Variants in PNPT1 observed in about 807,000 individuals in gnomAD.
The protein encoded by PNPT1 is polyribonucleotide nucleotidyltransferase 1.
In PNPT1, 53 loss-of-function variants were observed where a neutral mutation model predicts 119.5. That is an observed-to-expected ratio of 0.44 (90% confidence interval 0.36 to 0.56). PNPT1 has a LOEUF of 0.56. Among genes scored for constraint, PNPT1 ranks in the 20% least tolerant of loss-of-function variants. The pLI is 0.00. For missense variants in PNPT1, 948 were observed against 938.5 expected (o/e 1.01, Z -0.13); for synonymous variants, 357 against 322.1 (o/e 1.11, Z -1.16).
chr2:55,692,102 C>G (rs922234627), intron 1 of PNPT1, among the ~76,000 whole-genome samples: 2 of 151,718 alleles, frequency 1.3e-5, no homozygotes, highest in Non-Finnish European at 2.9e-5. Context: ...CCAGGCTGGT[C>G]TCGAACTCCT....
At chr2:55,681,052 C>A in intron 5 of PNPT1, 134 bp from the exon 6 acceptor site, 1 of 691,820 alleles carries the variant, frequency 1.4e-6, no homozygotes, top group Non-Finnish European at 2.5e-6. Flanking sequence ...TGTCATTAAA[C>A]GAAATGCTTG....
At chr2:55,658,439 T>G (rs1362963499) in intron 15 of PNPT1, among the ~76,000 whole-genome samples, 1 of 152,176 alleles carries the variant, frequency 6.6e-6, no homozygotes, top group Non-Finnish European at 1.5e-5. Context: ...ATGTTAAATT[T>G]CCTGACTTGG....
At position 55,634,062 on chromosome 2, in the gene PNPT1, C is replaced by G. The variant is rs1695591273; in HGVS notation, c.*2175G>C. On this transcript the variant is annotated 3_prime_UTR_variant, in exon 28 of 28. Coordinates refer to ENST00000447944, the MANE Select transcript of PNPT1 (RefSeq NM_033109.5). ...ACTGTTATTAAATAATAGTCGATAT[C>G]AAGTGTAGAAAGCAAATAAATTTAA... 6.6e-6 allele frequency among the ~76,000 whole-genome samples: 1 copy of G among 152,064 alleles called. No homozygotes were observed. Among genetic ancestry groups the G allele is most frequent in the African/African-American group, 2.4e-5 (1 of 41,412 alleles).
chr2:55,688,595 C>T (rs1296018399), intron 1 of PNPT1, among the ~76,000 whole-genome samples: 2 of 151,916 alleles, frequency 1.3e-5, no homozygotes, highest in Non-Finnish European at 2.9e-5. Flanking sequence ...CATGGTGTTG[C>T]GTGTCTATAA....
chr2:55,673,859 A>C (rs1242452411), intron 8 of PNPT1, among the ~76,000 whole-genome samples: 3 of 151,998 alleles, frequency 2.0e-5, no homozygotes, highest in African/African-American at 7.3e-5. Context: ...AGTGCTGGGG[A>C]TTACAGGCGT....
At chr2:55,639,938 A>T (rs1695787598) in intron 26 of PNPT1, among the ~76,000 whole-genome samples, 1 of 152,200 alleles carries the variant, frequency 6.6e-6, no homozygotes, top group Non-Finnish European at 1.5e-5. Flanking sequence ...TATAAAAATG[A>T]GTAGAGATCC....
intron 22 of PNPT1, 39 bp downstream of exon 22, chr2:55,645,310 C>G: frequency 7.0e-7 from 1 of 1,436,756 alleles, no homozygotes; most frequent in African/African-American, 1.4e-5. Context: ...AGGCGTGAGC[C>G]ACCGCGCCCA....
chr2:55,691,635 C>A lies in PNPT1; in HGVS notation c.161+2028G>T, dbSNP rs1228749149. On this transcript the variant is annotated intron_variant, in intron 1 of 27. Transcript: ENST00000447944. ...TGCATCTTGTTTTCAGTATCTAATG[C>A]CTATCTCACAGTATGTGTCTGTTGA... Among the ~76,000 whole-genome samples the A allele has an allele frequency of 2.6e-5, 4 of 151,906 alleles. No homozygotes were observed. The South Asian group carries it at 8.3e-4, about 32-fold the overall frequency.
chr2:55,672,034 C>G lies in PNPT1; in HGVS notation c.879G>C (p.Glu293Asp). 1 of 1,598,660 alleles carries G rather than the reference C, an allele frequency of 6.3e-7. No homozygotes were observed. Among genetic ancestry groups the G allele is most frequent in the Non-Finnish European group, 8.5e-7 (1 of 1,173,238 alleles). Residue 293 changes from glutamate to aspartate, a missense_variant, in exon 10 of 28, where the codon GAG becomes GAC. Transcript: ENST00000447944. The part of the protein sequence containing the change: ...IVKYTHKLAM[E>D]RLYAVFTDYE... ...AATCTGTAAAAACTGCATAGAGTCT[C>G]TCCATAGCAAGTCTATTTAAGCAGA...
Position 55,679,807 on chromosome 2 carries a change from T to C in PNPT1, c.566-12A>G. The C allele has an allele frequency of 1.9e-6, 3 of 1,559,654 alleles. No homozygotes were observed. The highest frequency in any genetic ancestry group is 2.6e-6 in the Non-Finnish European group (3 of 1,138,946). On this transcript the variant is annotated splice_polypyrimidine_tract_variant and intron_variant, in intron 7 of 27. Coordinates refer to ENST00000447944, the MANE Select transcript of PNPT1 (RefSeq NM_033109.5). ...TATTCGTACTGCCCCTAAAATGTAT[T>C]AGAATATTGGCAACTGTTTAATGGA...
At chr2:55,690,439 G>T (rs1161147045) in intron 1 of PNPT1, among the ~76,000 whole-genome samples, 1 of 152,170 alleles carries the variant, frequency 6.6e-6, no homozygotes, top group African/African-American at 2.4e-5. Context: ...CCAAACACAA[G>T]CATGTAGACA....
chr2:55,686,894 G>C (rs1416116301), intron 2 of PNPT1, among the ~76,000 whole-genome samples: 1 of 152,086 alleles, frequency 6.6e-6, no homozygotes, highest in Non-Finnish European at 1.5e-5. Flanking sequence ...CTTTGCGGGG[G>C]CAAGGCAGGT....
intron 25 of PNPT1, among the ~76,000 whole-genome samples, chr2:55,641,977 G>T (rs1448048967): frequency 1.3e-5 from 2 of 151,936 alleles, no homozygotes. Flanking sequence ...GAGTAGCTGG[G>T]ATTACAGGCA....
intron 8 of PNPT1, among the ~76,000 whole-genome samples, chr2:55,679,029 C>G (rs1697168980): frequency 6.6e-6 from 1 of 152,176 alleles, no homozygotes; most frequent in South Asian, 2.1e-4. Context: ...AATAATCTGT[C>G]CAAGATCACA....
Position 55,634,093 on chromosome 2 carries a change from C to G in PNPT1, c.*2144G>C, listed in dbSNP as rs1347955458. Among the ~76,000 whole-genome samples, 1 of 152,098 alleles carries G rather than the reference C, an allele frequency of 6.6e-6. No individual in the cohort carries two copies. The highest frequency in any genetic ancestry group is 1.5e-5 in the Non-Finnish European group (1 of 68,024). Reference sequence around the variant, plus strand: ...TAGAAAGCAAATAAATTTAATCTTTCATTTTCAATTAATCTTTAATATTTC... The same window carrying G: ...TAGAAAGCAAATAAATTTAATCTTTGATTTTCAATTAATCTTTAATATTTC... On this transcript the variant is annotated 3_prime_UTR_variant, in exon 28 of 28. Transcript: ENST00000447944.
intron 10 of PNPT1, among the ~76,000 whole-genome samples, chr2:55,671,742 G>A (rs1696920932): frequency 6.6e-6 from 1 of 152,248 alleles, no homozygotes; most frequent in Non-Finnish European, 1.5e-5. Flanking sequence ...GCTGAGGCAT[G>A]AGAATCGCTG....
chr2:55,653,445 CT>C (rs1215936401), intron 18 of PNPT1, among the ~76,000 whole-genome samples: 1 of 152,084 alleles, frequency 6.6e-6, no homozygotes, highest in Non-Finnish European at 1.5e-5. Flanking sequence ...ATGATGTCAT[CT>C]TTTATTTTTC....
chr2:55,657,637 C>T (rs1263266865), intron 15 of PNPT1, among the ~76,000 whole-genome samples: 13 of 151,556 alleles, frequency 8.6e-5, no homozygotes, highest in African/African-American at 2.9e-4. Flanking sequence ...CCGCCCGCCT[C>T]GGCCTCCCAA....
intron 13 of PNPT1, among the ~76,000 whole-genome samples, chr2:55,666,257 T>C (rs939095522): frequency 2.0e-5 from 3 of 152,172 alleles, no homozygotes; most frequent in African/African-American, 7.2e-5. Context: ...CATTATCTTT[T>C]TCATTTTTAA....
Sources: gnomAD v4.1 joint callset for allele counts (sites outside exome capture counted in the v4.1 genomes callset) on GRCh38, gnomAD v4.1.1 for gene constraint, MANE v1.5 for transcripts, NCBI Gene and HGNC (gene_info 2026-07-23, HGNC 2026-07-21) for gene names.